The following MGA variants were observed in gnomAD, a reference collection of about 807,000 sequenced individuals.
MGA encodes the protein MAX gene-associated protein.
MGA carries 40 observed loss-of-function variants against 261.1 expected under a neutral mutation model. The ratio of observed to expected loss-of-function variants is 0.15; its 90% CI spans 0.12 to 0.20. The LOEUF (loss-of-function observed/expected upper bound fraction) is 0.20. Among genes scored for constraint, MGA ranks in the 10% least tolerant of loss-of-function variants. The probability of loss-of-function intolerance (pLI) is 1.00; values close to 1 mark genes in which losing one functional copy is unlikely to be tolerated. For missense variants in MGA, 3,397 were observed against 3,630.5 expected (o/e 0.94, Z 1.65); for synonymous variants, 1,302 against 1,290.6 (o/e 1.01, Z -0.19).
intron 2 of MGA, among the ~76,000 whole-genome samples, chr15:41,670,650 C>T (rs1436825231): frequency 2.6e-5 from 4 of 152,034 alleles, no homozygotes; most frequent in African/African-American, 9.7e-5. Flanking sequence ...GGACTACAGG[C>T]GCCCGTCACC....
At chr15:41,645,606 T>C (rs1314869195) in intron 1 of MGA, among the ~76,000 whole-genome samples, 1 of 152,156 alleles carries the variant, frequency 6.6e-6, no homozygotes, top group Non-Finnish European at 1.5e-5. Flanking sequence ...GTTGGATTCT[T>C]TGATTTTTAA....
At chr15:41,686,022 A>G (rs986745606) in intron 2 of MGA, among the ~76,000 whole-genome samples, 1 of 146,310 alleles carries the variant, frequency 6.8e-6, no homozygotes. Context: ...AAAAAAAATA[A>G]TAATAATAAT....
intron 14 of MGA, among the ~76,000 whole-genome samples, chr15:41,741,346 C>CAAAAAAAAAA (rs11389766): frequency 1.4e-5 from 1 of 72,336 alleles, no homozygotes; most frequent in Non-Finnish European, 2.5e-5. Context: ...ACTCCATCTC[C>CAAAAAAAAAA]AAAAAAAAAA....
In MGA at chr15:41,729,306, A is replaced by C; in HGVS notation, c.3800A>C (p.Gln1267Pro). ...TCCCCATCTCCATCATTTCAGCAGC[A>C]AACTTCATGTCATTCTAGCCCTGAG... Residue 1267 changes from glutamine to proline, a missense_variant, in exon 11 of 24, where the codon CAA becomes CCA. Coordinates refer to ENST00000219905, the MANE Select transcript of MGA (RefSeq NM_001164273.2). The C allele has an allele frequency of 6.2e-7, 1 of 1,613,974 alleles. No individual in the cohort carries two copies. The highest frequency in any genetic ancestry group is 8.5e-7 in the Non-Finnish European group (1 of 1,179,886).
intron 1 of MGA, among the ~76,000 whole-genome samples, chr15:41,650,904 C>T (rs542985614): frequency 6.6e-6 from 1 of 152,224 alleles, no homozygotes; most frequent in South Asian, 2.1e-4. Context: ...TTATTTTCAT[C>T]TGGTCTTAGT....
intron 5 of MGA, among the ~76,000 whole-genome samples, chr15:41,706,570 GCTTTTTTTTTTTCC>G (rs2060125722): frequency 7.3e-6 from 1 of 136,168 alleles, no homozygotes; most frequent in Non-Finnish European, 1.5e-5. Context: ...TTAACACTTA[GCTTTTTTTTTTTCC>G]CTTTTTTTTT....
rs2062649403 is a variant in MGA at position 41,748,621 on chromosome 15, A to G, written c.5213-16A>G. 6.2e-7 allele frequency: 1 copy of G among 1,604,544 alleles called. No individual in the cohort carries two copies. The highest frequency in any genetic ancestry group is 1.1e-5 in the South Asian group (1 of 90,096). On this transcript the variant is annotated splice_polypyrimidine_tract_variant and intron_variant, in intron 15 of 23. Transcript: ENST00000219905. ...AGGGGAATTTGGGTACCATGTTTCC[A>G]TTTCCTGTTTTTCAGAAAATGCTGC...
chr15:41,705,732 C>A (rs1436074857), intron 5 of MGA, among the ~76,000 whole-genome samples: 1 of 152,134 alleles, frequency 6.6e-6, no homozygotes, highest in African/African-American at 2.4e-5. Flanking sequence ...TCAAAGCATA[C>A]AACTGAATGT....
intron 2 of MGA, chr15:41,684,545 A>T (rs1049439397): frequency 2.2e-5 from 7 of 320,152 alleles, no homozygotes; most frequent in Non-Finnish European, 3.1e-5. Flanking sequence ...GAGAGTGTTT[A>T]TAACTTACCA....
chr15:41,718,221 A>G (rs2060741174), intron 9 of MGA: 2 of 191,458 alleles, frequency 1.0e-5, no homozygotes, highest in Non-Finnish European at 2.1e-5. Context: ...AACATTTATC[A>G]TCTCAAGATA....
intron 1 of MGA, among the ~76,000 whole-genome samples, chr15:41,665,431 G>T (rs1342210038): frequency 2.0e-5 from 3 of 151,344 alleles, no homozygotes; most frequent in Non-Finnish European, 4.4e-5. Flanking sequence ...CTGTCATCTA[G>T]ACTGGAGTGC....
chr15:41,681,125 A>G (rs1350733346), intron 2 of MGA, among the ~76,000 whole-genome samples: 4 of 152,192 alleles, frequency 2.6e-5, no homozygotes, highest in Admixed American at 1.3e-4. Flanking sequence ...TATACAGCAA[A>G]TACATAATAC....
At chr15:41,687,766 A>G (rs911239538) in intron 2 of MGA, among the ~76,000 whole-genome samples, 3 of 152,184 alleles carry the variant, frequency 2.0e-5, no homozygotes, top group African/African-American at 7.2e-5. Context: ...TACTTCATGT[A>G]TACTTGAAAA....
rs1483559661 is a variant in MGA at position 41,669,873 on chromosome 15, A to G, written c.979A>G (p.Asn327Asp). The change falls in exon 2 of 24, where the codon AAT (asparagine) becomes GAT (aspartate). Residue 327 changes from asparagine (N) to aspartate (D), a missense_variant. Around this residue, in one of 9 missense-constraint regions of MGA, gnomAD observed 563 missense variants for 563.6 expected, o/e 1.00. Transcript: ENST00000219905. ...CAAGGGTTTGGAGAAGACTTCCCTT[A>G]ATATAAAACGAGACTTTCTTGGTTT... 2 of 1,614,050 alleles carry G rather than the reference A, an allele frequency of 1.2e-6. No individual in the cohort carries two copies. The highest frequency in any genetic ancestry group is 1.7e-5 in the Admixed American group (1 of 60,024).
In MGA at chr15:41,698,857, G is replaced by A. The variant is rs750889267; in HGVS notation, c.2014-6G>A. ...ACTACTATTTTTTTTTTTTTTTGAT[G>A]TATAGGAAGCTCTAGACATTCATGC... On this transcript the variant is annotated splice_polypyrimidine_tract_variant and splice_region_variant and intron_variant, in intron 3 of 23. Coordinates refer to ENST00000219905, the MANE Select transcript of MGA (RefSeq NM_001164273.2). 23 of 1,465,852 alleles carry A rather than the reference G, an allele frequency of 1.6e-5. No homozygotes were observed. Among genetic ancestry groups the A allele is most frequent in the African/African-American group, 1.2e-4 (8 of 67,110 alleles). 90.8% of individuals were successfully genotyped at this position (1,465,852 alleles called of 1,614,324 possible). A position where few individuals can be genotyped will look rare whatever the true frequency, so the allele number is the denominator to read the frequency against.
At chr15:41,746,460 G>T (rs979788370) in intron 15 of MGA, among the ~76,000 whole-genome samples, 2 of 148,166 alleles carry the variant, frequency 1.3e-5, no homozygotes, top group East Asian at 4.0e-4. Flanking sequence ...CAGGAGAATC[G>T]CTTGAACCCG....
rs386382831 is a variant in MGA at position 41,690,994 on chromosome 15, G to GTTT, written c.1065-5065_1065-5063dup. Among the ~76,000 whole-genome samples, 477 of 104,330 alleles carry GTTT rather than the reference G, an allele frequency of 4.6e-3. 5 individuals carry two copies. Among genetic ancestry groups the GTTT allele is most frequent in the East Asian group, 0.02 (69 of 3,382 alleles). The allele number at this position is 104,330 out of a possible 152,430, so 68.4% of individuals were successfully genotyped here. Reference sequence around the variant, plus strand: ...TGTTTCTAATTTTCAAGATTGCTTTGTTTTTTTTTTTTTTTTTTGGTGGCT... The same window carrying GTTT: ...TGTTTCTAATTTTCAAGATTGCTTTGTTTTTTTTTTTTTTTTTTTTTGGTGGCT... On this transcript the variant is annotated intron_variant, in intron 2 of 23. Coordinates refer to ENST00000219905, the MANE Select transcript of MGA (RefSeq NM_001164273.2).
chr15:41,760,050 C>G (rs2063365775), intron 19 of MGA: 1 of 389,866 alleles, frequency 2.6e-6, no homozygotes, highest in Admixed American at 3.8e-5. Context: ...ACGCCTGTAA[C>G]ATATACAATT....
intron 18 of MGA, among the ~76,000 whole-genome samples, chr15:41,756,856 A>G (rs1367984931): frequency 6.6e-6 from 1 of 152,156 alleles, no homozygotes; most frequent in Admixed American, 6.5e-5. Context: ...GGCCTCCTAA[A>G]GTTCTGGGAT....
Sources: allele counts gnomAD v4.1 joint callset (sites outside exome capture counted in the v4.1 genomes callset), GRCh38; gene constraint gnomAD v4.1.1; regional missense constraint gnomAD v4.1.1; transcripts MANE v1.5; gene names NCBI Gene and HGNC (gene_info 2026-07-23, HGNC 2026-07-21).